BMAL1: variants seen among roughly 807,000 people sequenced by gnomAD.
BMAL1 encodes the protein basic helix-loop-helix ARNT like 1, also known as basic helix-loop-helix ARNT-like protein 1.
the BMAL1 span, chr11:13,376,511 C>G: frequency 2.3e-6 from 2 of 883,772 alleles, no homozygotes; most frequent in Non-Finnish European, 3.8e-6. Flanking sequence ...TGTTTACCCA[C>G]TCAGACAGAC....
the BMAL1 span, among the ~76,000 whole-genome samples, chr11:13,377,767 A>T: frequency 2.0e-5 from 3 of 152,158 alleles, no homozygotes; most frequent in Non-Finnish European, 4.4e-5. Flanking sequence ...AATTCCTTGG[A>T]GGAGTCTCCC....
At chr11:13,326,913 G>T in the BMAL1 span, among the ~76,000 whole-genome samples, 1 of 151,830 alleles carries the variant, frequency 6.6e-6, no homozygotes, top group Admixed American at 6.6e-5. Context: ...TCTGCTTCCC[G>T]GGTTCACGCC....
the BMAL1 span, chr11:13,372,478 G>A: frequency 6.3e-7 from 1 of 1,585,170 alleles, no homozygotes; most frequent in Non-Finnish European, 8.6e-7. Context: ...AAAAAGCAGA[G>A]AAGACTGGGC....
the BMAL1 span, among the ~76,000 whole-genome samples, chr11:13,283,973 G>A: frequency 6.6e-6 from 1 of 151,270 alleles, no homozygotes; most frequent in African/African-American, 2.4e-5. Flanking sequence ...CTAGCCATCT[G>A]CAGAGCTCCT....
the BMAL1 span, among the ~76,000 whole-genome samples, chr11:13,284,097 TG>T: frequency 1.1e-5 from 1 of 89,628 alleles, no homozygotes; most frequent in African/African-American, 3.5e-5. Flanking sequence ...TGTGTGTGTG[TG>T]TGTGTGTGTG....
At chr11:13,331,808 G>A in the BMAL1 span, among the ~76,000 whole-genome samples, 1 of 152,146 alleles carries the variant, frequency 6.6e-6, no homozygotes, top group South Asian at 2.1e-4. Context: ...AGTGGGCTTT[G>A]GGGAGTTACT....
the BMAL1 span, among the ~76,000 whole-genome samples, chr11:13,282,622 G>A: frequency 6.6e-6 from 1 of 152,166 alleles, no homozygotes; most frequent in East Asian, 1.9e-4. Flanking sequence ...CCAGGGCCTT[G>A]GTCCTGCAGC....
At chr11:13,360,548 G>T in the BMAL1 span, 1 of 765,338 alleles carries the variant, frequency 1.3e-6, no homozygotes, top group Admixed American at 2.6e-5. Context: ...TCCTCTCTCA[G>T]GTCCCTCCCT....
chr11:13,363,720 A>G, the BMAL1 span, among the ~76,000 whole-genome samples: 22 of 152,198 alleles, frequency 1.4e-4, no homozygotes, highest in African/African-American at 5.1e-4. Flanking sequence ...ATGTTTTGAA[A>G]ACTAGGCAGA....
chr11:13,365,440 G>T, the BMAL1 span: 1 of 1,430,500 alleles, frequency 7.0e-7, no homozygotes. Context: ...TGTTATCAGG[G>T]TGATTACAAA....
chr11:13,290,050 T>C, the BMAL1 span, among the ~76,000 whole-genome samples: 1 of 152,204 alleles, frequency 6.6e-6, no homozygotes, highest in Non-Finnish European at 1.5e-5. Context: ...ATCTGTTGTT[T>C]CCTGACTTTT....
the BMAL1 span, among the ~76,000 whole-genome samples, chr11:13,371,305 A>G: frequency 6.6e-6 from 1 of 152,100 alleles, no homozygotes; most frequent in African/African-American, 2.4e-5. Context: ...GAGTCAGTGA[A>G]TGACACCAGC....
At chr11:13,377,927 GA>G in the BMAL1 span, among the ~76,000 whole-genome samples, 1 of 152,182 alleles carries the variant, frequency 6.6e-6, no homozygotes, top group African/African-American at 2.4e-5. Flanking sequence ...CCTGGCCCCA[GA>G]TGAGTTGGTT....
the BMAL1 span, chr11:13,365,565 T>C: frequency 6.2e-7 from 1 of 1,613,802 alleles, no homozygotes; most frequent in Non-Finnish European, 8.5e-7. Flanking sequence ...TCTCAGAGTC[T>C]GTCTTCAAGA....
chr11:13,325,389 G>A, the BMAL1 span, among the ~76,000 whole-genome samples: 1 of 152,182 alleles, frequency 6.6e-6, no homozygotes, highest in African/African-American at 2.4e-5. Context: ...TTCTCGCAGT[G>A]GGTACATTTC....
At chr11:13,335,636 G>A in the BMAL1 span, among the ~76,000 whole-genome samples, 100,703 of 152,124 alleles carry the variant, frequency 0.66, 34,087 homozygotes, top group African/African-American at 0.75. Context: ...TGGGCCTAGA[G>A]TCTGACTCCA....
chr11:13,367,186 A>T, the BMAL1 span, among the ~76,000 whole-genome samples: 1 of 152,160 alleles, frequency 6.6e-6, no homozygotes, highest in Admixed American at 6.5e-5. Flanking sequence ...AAAGTAAGAA[A>T]ACGTCAACTA....
the BMAL1 span, among the ~76,000 whole-genome samples, chr11:13,284,252 ATATATATATATATATTTTT>A: frequency 2.4e-3 from 72 of 30,510 alleles, 7 homozygotes; most frequent in South Asian, 3.0e-3. Context: ...ATATATATAT[ATATATATATATATATTTTT>A]TTTTTTAATG....
chr11:13,319,391 G>A, the BMAL1 span, among the ~76,000 whole-genome samples: 1 of 152,130 alleles, frequency 6.6e-6, no homozygotes, highest in Non-Finnish European at 1.5e-5. Context: ...TAAATGGTTT[G>A]CTGTTTAAAA....
Sources: allele counts gnomAD v4.1 joint callset (sites outside exome capture counted in the v4.1 genomes callset), GRCh38; gene constraint gnomAD v4.1.1; transcripts MANE v1.5; gene names NCBI Gene and HGNC (gene_info 2026-07-23, HGNC 2026-07-21).